KRT27: variants seen among roughly 807,000 people sequenced by gnomAD.
The protein encoded by KRT27 is keratin, type I cytoskeletal 27.
KRT27 carries 30 observed loss-of-function variants against 45.3 expected under a neutral mutation model. That is an observed-to-expected ratio of 0.66 (90% CI 0.50 to 0.90). KRT27 has a LOEUF of 0.90. Ranked by LOEUF, KRT27 falls within the 40% of genes least tolerant of loss-of-function variation. The pLI is 0.00. For missense variants in KRT27, 610 were observed against 564.3 expected (o/e 1.08, Z -0.82); for synonymous variants, 204 against 223.9 (o/e 0.91, Z 0.79).
chr17:40,779,794 AC>A lies in KRT27; in HGVS notation c.751del (p.Val251Ter). The part of the protein sequence containing the change: ...VNVEMNAAPG[V>X]DLTVLLNNMR... The stretch of plus-strand genomic sequence containing the variant: ...ATTGTTCAGCAGAACCGTGAGGTCT[AC>A]CCCGGGGGCCGCGTTCATCTCCACG... On this transcript the variant is annotated frameshift_variant, in exon 4 of 8. Transcript: ENST00000301656. LOFTEE classifies it high-confidence loss of function. 6.2e-7 allele frequency: 1 copy of A among 1,614,206 alleles called. No individual in the cohort carries two copies. The highest frequency in any genetic ancestry group is 2.2e-5 in the East Asian group (1 of 44,892).
At position 40,777,700 on chromosome 17, in the gene KRT27, G is replaced by A. The variant is rs150905404; in HGVS notation, c.1005C>T (p.Thr335=). The A allele has an allele frequency of 7.4e-6, 12 of 1,614,034 alleles. No individual in the cohort carries two copies. Among genetic ancestry groups the A allele is most frequent in the East Asian group, 2.2e-5 (1 of 44,880 alleles). The stretch of plus-strand genomic sequence containing the variant: ...CCAGCTGTGCACAGTAGTTACTCTC[G>A]GTCTCTGTCAAGGAGCACTCCAGGG... ...KHSLECSLTE[T]ESNYCAQLAQ... Residue 335 remains threonine, a synonymous_variant, in exon 6 of 8, where the codon ACC becomes ACT. Coordinates refer to ENST00000301656, the MANE Select transcript of KRT27 (RefSeq NM_181537.4).
chr17:40,781,424 GTC>G (rs34748691), intron 1 of KRT27, among the ~76,000 whole-genome samples, 154 bp from the exon 2 acceptor site: 7 of 151,776 alleles, frequency 4.6e-5, no homozygotes, highest in Admixed American at 4.6e-4. Flanking sequence ...TTTAAGTATG[GTC>G]TCTCTCTCTG....
chr17:40,778,655 A>C (rs1243564941), intron 5 of KRT27, among the ~76,000 whole-genome samples: 1 of 152,240 alleles, frequency 6.6e-6, no homozygotes, highest in African/African-American at 2.4e-5. Flanking sequence ...TAATGAAAGC[A>C]GTTATGATTA....
chr17:40,781,079 T>C (rs1214409801), intron 2 of KRT27, 109 bp downstream of exon 2: 2 of 607,506 alleles, frequency 3.3e-6, no homozygotes, highest in Non-Finnish European at 5.5e-6. Context: ...AACAAATACA[T>C]GAATAAACAA....
chr17:40,777,154 T>C lies in KRT27; in HGVS notation c.1241-16A>G, dbSNP rs2041380191. The C allele has an allele frequency of 6.2e-7, 1 of 1,612,670 alleles. No homozygotes were observed. The highest frequency in any genetic ancestry group is 1.1e-5 in the South Asian group (1 of 90,800). ...TTAGATGAATCTAAAATGCCACATA[T>C]AAACTGTTTAGAATTTATCAAATTC... On this transcript the variant is annotated splice_polypyrimidine_tract_variant and intron_variant, in intron 7 of 7. Coordinates refer to ENST00000301656, the MANE Select transcript of KRT27 (RefSeq NM_181537.4).
chr17:40,780,531 C>T, intron 2 of KRT27, 75 bp from the exon 3 acceptor site: 1 of 1,370,778 alleles, frequency 7.3e-7, no homozygotes, highest in South Asian at 1.3e-5. Context: ...TCATACAACT[C>T]AGACTAAGCT....
intron 2 of KRT27, 34 bp downstream of exon 2, chr17:40,781,154 C>G: frequency 2.8e-6 from 4 of 1,417,692 alleles, no homozygotes; most frequent in Non-Finnish European, 3.9e-6. Flanking sequence ...GCTTAGACAA[C>G]TTTTTTTTCC....
At position 40,782,275 on chromosome 17, in the gene KRT27, T is replaced by G. The variant is rs769028216; in HGVS notation, c.219A>C (p.Thr73=). 7.4e-6 allele frequency: 12 copies of G among 1,614,180 alleles called. No individual in the cohort carries two copies. In the East Asian group the frequency reaches 2.7e-4, roughly 36 times the overall value. Reference sequence around the variant, plus strand: ...CAGAGAGGAGGCCGTGCTCATTCCCTGTGAAGGCAGCACAGGAAGCACTTC... The same window carrying G: ...CAGAGAGGAGGCCGTGCTCATTCCCGGTGAAGGCAGCACAGGAAGCACTTC... ...GGGSASCAAF[T]GNEHGLLSGN... Residue 73 remains threonine, a synonymous_variant, in exon 1 of 8, where the codon ACA becomes ACC. Transcript: ENST00000301656.
At position 40,782,358 on chromosome 17, in the gene KRT27, A is replaced by G; in HGVS notation, c.136T>C (p.Ser46Pro). 1 of 1,614,158 alleles carries G rather than the reference A, an allele frequency of 6.2e-7. No individual in the cohort carries two copies. Among genetic ancestry groups the G allele is most frequent in the Non-Finnish European group, 8.5e-7 (1 of 1,180,024 alleles). The change falls in exon 1 of 8, where the codon TCT becomes CCT. Residue 46 changes from serine (S) to proline (P), a missense_variant. Ser to Pro is a moderately conservative substitution (Grantham distance 74). Transcript: ENST00000301656. ...GATGAGCTGCCCCCAAAAGCACAAG[A>G]GAAGCCACTTCCAATGCCTGGCACA... ...CGVPGIGSGFSCAFGGSSSAG... is the reference protein window; with the variant it reads ...CGVPGIGSGFPCAFGGSSSAG...
In KRT27 at chr17:40,782,161, G is replaced by C. The variant is rs1466561932; in HGVS notation, c.333C>G (p.Asp111Glu). 6.2e-7 allele frequency: 1 copy of C among 1,614,214 alleles called. No homozygotes were observed. Among genetic ancestry groups the C allele is most frequent in the Admixed American group, 1.7e-5 (1 of 60,030 alleles). ...ACCACCCCTTGATCTTCTGCTCCAA[G>C]TCAGCGTTGGCCTCCTCTAGGGCTC... is the stretch of plus-strand genomic sequence containing the variant. ...NVRALEEANA[D>E]LEQKIKGWYE... is the part of the protein sequence containing the mutation. Residue 111 changes from aspartate to glutamate, a missense_variant, in exon 1 of 8, where the codon GAC becomes GAG. Transcript: ENST00000301656.
intron 5 of KRT27, among the ~76,000 whole-genome samples, chr17:40,778,637 C>CA (rs58893482): frequency 0.013 from 2,038 of 152,318 alleles, 70 homozygotes; most frequent in East Asian, 0.13. Flanking sequence ...AAGTGCTGGG[C>CA]AAACCCTTAA....
At chr17:40,777,788 C>T in intron 5 of KRT27, 56 bp from the exon 6 acceptor site, 1 of 1,538,640 alleles carries the variant, frequency 6.5e-7, no homozygotes, top group Non-Finnish European at 9.0e-7. Flanking sequence ...TTAGAATAAG[C>T]CAAAGCATTT....
At chr17:40,780,064 G>C (rs971973104) in intron 3 of KRT27, among the ~76,000 whole-genome samples, 2 of 152,158 alleles carry the variant, frequency 1.3e-5, no homozygotes, top group Non-Finnish European at 2.9e-5. Flanking sequence ...ACCGCTTCTG[G>C]CCTGAATATT....
chr17:40,777,121 T>C lies in KRT27; in HGVS notation c.1258A>G (p.Ile420Val). ...ATCTCTTCAACAACTGTTTTGACAA[T>C]GGTGGTTTTAGATGAATCTAAAATG... ...NQTKDSSKTT[I>V]VKTVVEEIDP... is the part of the protein sequence containing the mutation. Residue 420 changes from isoleucine to valine, a missense_variant, in exon 8 of 8, where the codon ATT becomes GTT. Transcript: ENST00000301656. The C allele has an allele frequency of 6.2e-7, 1 of 1,613,902 alleles. No homozygotes were observed.
chr17:40,781,960 C>T (rs1197292368), intron 1 of KRT27, 90 bp downstream of exon 1: 7 of 1,110,878 alleles, frequency 6.3e-6, no homozygotes, highest in Non-Finnish European at 8.9e-6. Context: ...AGGGCAAAGC[C>T]CTGTTATTGT....
chr17:40,780,832 G>C (rs993797246), intron 2 of KRT27, among the ~76,000 whole-genome samples: 1 of 152,174 alleles, frequency 6.6e-6, no homozygotes, highest in Non-Finnish European at 1.5e-5. Context: ...CTGGGCGACA[G>C]AGCGAGACTC....
intron 2 of KRT27, 32 bp downstream of exon 2, chr17:40,781,156 T>C: frequency 2.8e-6 from 4 of 1,448,974 alleles, no homozygotes; most frequent in Non-Finnish European, 3.8e-6. Context: ...TTAGACAACT[T>C]TTTTTTCCCA....
At chr17:40,781,607 T>G (rs2038312367) in intron 1 of KRT27, among the ~76,000 whole-genome samples, 1 of 152,218 alleles carries the variant, frequency 6.6e-6, no homozygotes, top group African/African-American at 2.4e-5. Flanking sequence ...CTTTTGTAGT[T>G]TTAGTAGAAA....
Position 40,777,527 on chromosome 17 carries a change from T to A in KRT27, c.1178A>T (p.Asp393Val). The A allele has an allele frequency of 6.2e-7, 1 of 1,613,972 alleles. No individual in the cohort carries two copies. Among genetic ancestry groups the A allele is most frequent in the Non-Finnish European group, 8.5e-7 (1 of 1,179,846 alleles). Reference protein sequence around the residue: ...KEIETYCLLIDGEDGSCSKSK... With the variant: ...KEIETYCLLIVGEDGSCSKSK... Reference sequence around the variant, plus strand: ...CGGCAATACTGACCCATCTTCTCCATCTATCAGGAGGCAGTAGGTCTCAAT... The same window carrying A: ...CGGCAATACTGACCCATCTTCTCCAACTATCAGGAGGCAGTAGGTCTCAAT... Residue 393 changes from aspartate to valine, a missense_variant, in exon 6 of 8, where the codon GAT (aspartate) becomes GTT (valine). Transcript: ENST00000301656.
Sources: gnomAD v4.1 joint callset for allele counts (sites outside exome capture counted in the v4.1 genomes callset) on GRCh38, gnomAD v4.1.1 for gene constraint, MANE v1.5 for transcripts, NCBI Gene and HGNC (gene_info 2026-07-23, HGNC 2026-07-21) for gene names.